MEIKIN: variants seen among roughly 807,000 people sequenced by gnomAD.
The protein encoded by MEIKIN is meiotic kinetochore factor, also known as meiosis-specific kinetochore protein.
chr5:131,916,393 C>T lies in MEIKIN; in HGVS notation c.638+493G>A, dbSNP rs79831606. On this transcript the variant is annotated intron_variant, in intron 7 of 12. Coordinates refer to ENST00000442687, the MANE Select transcript of MEIKIN (RefSeq NM_001303622.2). ...CTCTCTTCTCACTCTACATTCTTTCCCAAGGAGACAACTATGCCTTCAGCC... is the reference window on the plus strand; with the variant it reads ...CTCTCTTCTCACTCTACATTCTTTCTCAAGGAGACAACTATGCCTTCAGCC... Among the ~76,000 whole-genome samples, 711 of 152,256 alleles carry T rather than the reference C, an allele frequency of 4.7e-3. 8 individuals carry two copies. The highest frequency in any genetic ancestry group is 0.016 in the African/African-American group (675 of 41,542).
rs568851357 is a variant in MEIKIN at position 131,854,242 on chromosome 5, G to A, written c.855+512C>T. 2.0e-5 allele frequency among the ~76,000 whole-genome samples: 3 copies of A among 152,250 alleles called. No homozygotes were observed. In the South Asian group the frequency reaches 6.2e-4, roughly 32 times the overall value. On this transcript the variant is annotated intron_variant, in intron 10 of 12. Transcript: ENST00000442687. ...TAAGTGACATAAACTAGTCACAAAG[G>A]ACAAATACTGTATGGTTCCACTTAT...
At chr5:131,943,194 T>A (rs188004199) in intron 3 of MEIKIN, among the ~76,000 whole-genome samples, 1 of 151,946 alleles carries the variant, frequency 6.6e-6, no homozygotes, top group African/African-American at 2.4e-5. Context: ...GGCCAATAAT[T>A]TGAGAAAAAA....
chr5:131,873,171 A>T (rs1750539309), intron 9 of MEIKIN, among the ~76,000 whole-genome samples: 2 of 152,206 alleles, frequency 1.3e-5, no homozygotes, highest in Admixed American at 6.5e-5. Context: ...ATGTAAAGGG[A>T]CTAAATGCTC....
At chr5:131,925,722 G>C (rs1177289173) in intron 5 of MEIKIN, among the ~76,000 whole-genome samples, 4 of 152,006 alleles carry the variant, frequency 2.6e-5, no homozygotes, top group African/African-American at 9.7e-5. Flanking sequence ...AGGCTGGAGT[G>C]CAGTGGCATG....
rs1291142646 is a variant in MEIKIN at position 131,914,820 on chromosome 5, AT to A, written c.638+2065del. On this transcript the variant is annotated intron_variant, in intron 7 of 12. Coordinates refer to ENST00000442687, the MANE Select transcript of MEIKIN (RefSeq NM_001303622.2). Reference sequence around the variant, plus strand: ...CAAAGACTTAGAAAACAAGCAGACAATGGGAGCTGACTTTTCTCCCTCAAGG... The same window carrying A: ...CAAAGACTTAGAAAACAAGCAGACAAGGGAGCTGACTTTTCTCCCTCAAGG... Among the ~76,000 whole-genome samples the A allele has an allele frequency of 3.3e-5, 5 of 152,244 alleles. No individual in the cohort carries two copies. In the South Asian group the frequency reaches 1.0e-3, roughly 32 times the overall value.
At chr5:131,846,676 C>T (rs890873839) in intron 11 of MEIKIN, among the ~76,000 whole-genome samples, 2 of 152,082 alleles carry the variant, frequency 1.3e-5, no homozygotes, top group Non-Finnish European at 2.9e-5. Context: ...CAAAAATTAG[C>T]TGGACGTGGT....
chr5:131,922,183 T>A (rs1751516664), intron 5 of MEIKIN, among the ~76,000 whole-genome samples: 1 of 152,226 alleles, frequency 6.6e-6, no homozygotes, highest in Non-Finnish European at 1.5e-5. Context: ...ATTATTGATC[T>A]AAGAGACAGG....
chr5:131,834,770 G>T (rs188126736), intron 11 of MEIKIN, among the ~76,000 whole-genome samples: 1 of 152,236 alleles, frequency 6.6e-6, no homozygotes, highest in Admixed American at 6.5e-5. Context: ...ATAAACACGG[G>T]AGTGCAGATA....
At chr5:131,906,027 G>A (rs1023764637) in intron 8 of MEIKIN, among the ~76,000 whole-genome samples, 1 of 152,060 alleles carries the variant, frequency 6.6e-6, no homozygotes, top group Non-Finnish European at 1.5e-5. Context: ...AATGACAAAT[G>A]GGACCCAATT....
At chr5:131,943,371 C>T (rs1191690940) in intron 3 of MEIKIN, among the ~76,000 whole-genome samples, 1 of 152,122 alleles carries the variant, frequency 6.6e-6, no homozygotes, top group Non-Finnish European at 1.5e-5. Flanking sequence ...CATGATCCAA[C>T]CTGTGATCCA....
At chr5:131,872,313 G>A (rs1580882808) in intron 9 of MEIKIN, among the ~76,000 whole-genome samples, 1 of 152,206 alleles carries the variant, frequency 6.6e-6, no homozygotes, top group Non-Finnish European at 1.5e-5. Flanking sequence ...AAGACCTGAT[G>A]GAGCTGAAAA....
At chr5:131,845,611 G>T (rs901509813) in intron 11 of MEIKIN, among the ~76,000 whole-genome samples, 1 of 58,294 alleles carries the variant, frequency 1.7e-5, no homozygotes, top group African/African-American at 7.5e-5. Flanking sequence ...CTCAAAAGAA[G>T]CAAAAAAAAA....
At position 131,942,655 on chromosome 5, in the gene MEIKIN, G is replaced by A. The variant is rs1751892643; in HGVS notation, c.329C>T (p.Ser110Leu). 7.5e-6 allele frequency: 3 copies of A among 398,498 alleles called. No individual in the cohort carries two copies. Among genetic ancestry groups the A allele is most frequent in the Non-Finnish European group, 1.3e-5 (3 of 225,776 alleles). The allele number at this position is 398,498 out of a possible 1,614,324, so 24.7% of individuals were successfully genotyped here. ...TDDLQVDSSS[S>L]NSELVSGLSL... ...CTTACCTGATACTAGTTCACTATTT[G>A]ATGAACTACTATCAACCTGGAGGTC... Residue 110 changes from serine to leucine, a missense_variant, in exon 4 of 13, where the codon TCA (serine) becomes TTA (leucine). Ser to Leu is a moderately radical substitution (Grantham distance 145). Coordinates refer to ENST00000442687, the MANE Select transcript of MEIKIN (RefSeq NM_001303622.2).
intron 8 of MEIKIN, among the ~76,000 whole-genome samples, chr5:131,900,909 G>A (rs907120246): frequency 1.2e-4 from 19 of 152,258 alleles, no homozygotes; most frequent in East Asian, 7.7e-4. Flanking sequence ...TCCCTTGTGC[G>A]GCTTTGCCTG....
chr5:131,941,134 A>G (rs1406123253), intron 4 of MEIKIN, among the ~76,000 whole-genome samples: 2 of 125,296 alleles, frequency 1.6e-5, no homozygotes, highest in African/African-American at 6.3e-5. Flanking sequence ...TTCCTTCAAG[A>G]TCTCTTCCTT....
chr5:131,889,788 C>T (rs945417301), intron 8 of MEIKIN, among the ~76,000 whole-genome samples: 7 of 152,140 alleles, frequency 4.6e-5, no homozygotes, highest in African/African-American at 1.7e-4. Flanking sequence ...TTGGCTTGTG[C>T]CAGTTTTCAA....
At chr5:131,865,961 C>T (rs1259746180) in intron 9 of MEIKIN, among the ~76,000 whole-genome samples, 1 of 152,202 alleles carries the variant, frequency 6.6e-6, no homozygotes, top group Non-Finnish European at 1.5e-5. Context: ...GTCCCCAAGG[C>T]AGCACAACCT....
At position 131,945,469 on chromosome 5, in the gene MEIKIN, C is replaced by A. The variant is rs927390217; in HGVS notation, c.37G>T (p.Glu13Ter). 1 of 399,450 alleles carries A rather than the reference C, an allele frequency of 2.5e-6. No individual in the cohort carries two copies. Among genetic ancestry groups the A allele is most frequent in the African/African-American group, 2.1e-5 (1 of 48,650 alleles). 24.7% of individuals were successfully genotyped at this position (399,450 alleles called of 1,614,324 possible). Residue 13 changes from glutamate to a stop codon, truncating the protein, a stop_gained, in exon 1 of 13, where the codon GAG becomes TAG. Coordinates refer to ENST00000442687, the MANE Select transcript of MEIKIN (RefSeq NM_001303622.2). LOFTEE classifies it high-confidence loss of function. ...GGGGTGAGATTGAGCCTCTGACCCT[C>A]CCGCTTTTTGCGGGTATAGACCCGT... ...PLRVYTRKKREGQRLNLTPTP... is the reference protein window; with the variant it reads ...PLRVYTRKKR
At chr5:131,887,056 C>A in intron 8 of MEIKIN, among the ~76,000 whole-genome samples, 1 of 150,180 alleles carries the variant, frequency 6.7e-6, no homozygotes, top group Non-Finnish European at 1.5e-5. Flanking sequence ...TGTTCAATTC[C>A]CACCTATAGG....
Sources: allele counts gnomAD v4.1 joint callset (sites outside exome capture counted in the v4.1 genomes callset), GRCh38; gene constraint gnomAD v4.1.1; transcripts MANE v1.5; gene names NCBI Gene and HGNC (gene_info 2026-07-23, HGNC 2026-07-21).